Variants in DLGAP2 observed in about 807,000 individuals in gnomAD.
DLGAP2 encodes the protein DLG associated protein 2, also known as disks large-associated protein 2.
DLGAP2 carries 26 observed loss-of-function variants against 100.3 expected under a neutral mutation model. The ratio of observed to expected loss-of-function variants is 0.26; its 90% confidence interval spans 0.19 to 0.36. The LOEUF is 0.36. Ranked by LOEUF, DLGAP2 falls within the 10% of genes least tolerant of loss-of-function variation. The pLI, the probability that DLGAP2 is intolerant of heterozygous loss-of-function variation, is 1.00. For missense variants in DLGAP2, 1,858 were observed against 1,453.2 expected (o/e 1.28, Z -4.53); for synonymous variants, 886 against 630.1 (o/e 1.41, Z -6.08).
intron 2 of DLGAP2, among the ~76,000 whole-genome samples, chr8:1,102,053 A>T (rs1804603394): frequency 6.6e-6 from 1 of 152,042 alleles, no homozygotes; most frequent in Non-Finnish European, 1.5e-5. Flanking sequence ...GGAACATTCA[A>T]TTCAGGAAAT....
At chr8:1,430,027 T>TATATATATATATATACAC (rs1282725274) in intron 3 of DLGAP2, among the ~76,000 whole-genome samples, 10 of 76,890 alleles carry the variant, frequency 1.3e-4, no homozygotes, top group African/African-American at 2.5e-4. Flanking sequence ...TATATATATA[T>TATATATATATATATACAC]ACACACACAC....
intron 3 of DLGAP2, among the ~76,000 whole-genome samples, chr8:1,443,593 C>T (rs1476148028): frequency 1.3e-5 from 2 of 152,180 alleles, no homozygotes; most frequent in Non-Finnish European, 1.5e-5. Flanking sequence ...CTCACAGTTC[C>T]ACACGGCTGG....
intron 3 of DLGAP2, among the ~76,000 whole-genome samples, chr8:1,312,853 C>T (rs922453001): frequency 6.6e-6 from 1 of 152,194 alleles, no homozygotes; most frequent in East Asian, 1.9e-4. Flanking sequence ...CGCGAGTGTC[C>T]ATCTGTAGGA....
intron 1 of DLGAP2, among the ~76,000 whole-genome samples, chr8:898,414 C>A (rs914408769): frequency 5.3e-5 from 8 of 152,204 alleles, no homozygotes; most frequent in Non-Finnish European, 1.2e-4. Context: ...TTGGCCGGGG[C>A]AGCGATGTTT....
At chr8:1,502,987 GAGGCC>G (rs907574753) in intron 4 of DLGAP2, among the ~76,000 whole-genome samples, 1 of 152,140 alleles carries the variant, frequency 6.6e-6, no homozygotes, top group East Asian at 1.9e-4. Flanking sequence ...TCACTCTGGG[GAGGCC>G]AGCTTTGCCT....
chr8:1,242,826 C>T (rs12381483), intron 2 of DLGAP2, among the ~76,000 whole-genome samples: 16 of 151,434 alleles, frequency 1.1e-4, no homozygotes, highest in African/African-American at 2.4e-4. Flanking sequence ...ACAGATGGAC[C>T]GATGGATAGA....
At chr8:1,221,704 G>T (rs1798317936) in intron 2 of DLGAP2, among the ~76,000 whole-genome samples, 1 of 152,172 alleles carries the variant, frequency 6.6e-6, no homozygotes, top group Non-Finnish European at 1.5e-5. Flanking sequence ...CGAGTTGCTT[G>T]CTGTCACTCC....
chr8:1,406,579 G>T (rs1796568961), intron 3 of DLGAP2, among the ~76,000 whole-genome samples: 1 of 29,174 alleles, frequency 3.4e-5, no homozygotes, highest in Non-Finnish European at 5.7e-5. Flanking sequence ...AGTGCTTACT[G>T]AGCGCCACCT....
intron 2 of DLGAP2, among the ~76,000 whole-genome samples, chr8:1,147,103 C>A (rs1443817651): frequency 6.6e-6 from 1 of 152,186 alleles, no homozygotes; most frequent in Non-Finnish European, 1.5e-5. Flanking sequence ...TATATTGAGT[C>A]TTTCAAATGC....
At chr8:1,084,506 G>C (rs1252815727) in intron 2 of DLGAP2, among the ~76,000 whole-genome samples, 1 of 152,174 alleles carries the variant, frequency 6.6e-6, no homozygotes, top group Non-Finnish European at 1.5e-5. Context: ...CCGAGGCTTT[G>C]TACCCTCTGG....
intron 3 of DLGAP2, among the ~76,000 whole-genome samples, chr8:1,411,954 C>T (rs1312423138): frequency 6.6e-6 from 1 of 152,186 alleles, no homozygotes; most frequent in Non-Finnish European, 1.5e-5. Context: ...CACGTTCAGA[C>T]ACATGCTCCG....
chr8:1,630,589 C>G (rs934652301), intron 7 of DLGAP2, among the ~76,000 whole-genome samples: 2 of 151,986 alleles, frequency 1.3e-5, no homozygotes, highest in Non-Finnish European at 2.9e-5. Context: ...GTGGTCCCAG[C>G]TACTCGGGAG....
At chr8:1,492,521 C>G (rs1327346296) in intron 3 of DLGAP2, among the ~76,000 whole-genome samples, 2 of 152,228 alleles carry the variant, frequency 1.3e-5, no homozygotes, top group Non-Finnish European at 2.9e-5. Context: ...CCGGAAGCAG[C>G]TCCTGTGGGC....
rs1375404643 is a variant in DLGAP2, at chr8:1,638,937, A to G, written c.1810+5891A>G. On this transcript the variant is annotated intron_variant, in intron 8 of 14. Transcript: ENST00000637795. ...TGGAGGTGATGCTGTTGCAGCCCAGAGAGCTGGGTCATGGAGTGCAGGTAA... is the reference window on the plus strand; with the variant it reads ...TGGAGGTGATGCTGTTGCAGCCCAGGGAGCTGGGTCATGGAGTGCAGGTAA... Among the ~76,000 whole-genome samples the G allele has an allele frequency of 2.0e-5, 3 of 152,226 alleles. No homozygotes were observed. In the East Asian group the frequency reaches 5.8e-4, roughly 29 times the overall value.
At chr8:1,319,015 T>G (rs1800833800) in intron 3 of DLGAP2, among the ~76,000 whole-genome samples, 1 of 152,094 alleles carries the variant, frequency 6.6e-6, no homozygotes, top group South Asian at 2.1e-4. Flanking sequence ...TTAGGTGGTG[T>G]ATCAGTGCGA....
At chr8:1,584,374 C>T (rs115817310) in intron 6 of DLGAP2, among the ~76,000 whole-genome samples, 1,581 of 152,320 alleles carry the variant, frequency 0.01, 28 homozygotes, top group African/African-American at 0.034. Flanking sequence ...CGGGAGCAGA[C>T]GCCAGACTCC....
intron 2 of DLGAP2, among the ~76,000 whole-genome samples, chr8:1,144,459 C>T (rs1178790843): frequency 2.6e-5 from 4 of 152,204 alleles, no homozygotes; most frequent in Non-Finnish European, 5.9e-5. Context: ...TTCTTTGAGG[C>T]TTCCGAATGC....
chr8:1,374,483 C>G (rs555029700), intron 3 of DLGAP2, among the ~76,000 whole-genome samples: 2 of 152,306 alleles, frequency 1.3e-5, no homozygotes, highest in Admixed American at 1.3e-4. Context: ...ATTCTGAAAG[C>G]AGCAGGAGTT....
chr8:1,225,921 T>C (rs1798404918), intron 2 of DLGAP2, among the ~76,000 whole-genome samples: 1 of 152,234 alleles, frequency 6.6e-6, no homozygotes, highest in Non-Finnish European at 1.5e-5. Flanking sequence ...AACATCATGC[T>C]GTATGCTGTA....
Sources: gnomAD v4.1 joint callset for allele counts (sites outside exome capture counted in the v4.1 genomes callset) on GRCh38, gnomAD v4.1.1 for gene constraint, MANE v1.5 for transcripts, NCBI Gene and HGNC (gene_info 2026-07-23, HGNC 2026-07-21) for gene names.